Variants in ADGRL3 observed in about 807,000 individuals in gnomAD.
The protein encoded by ADGRL3 is calcium-independent alpha-latrotoxin receptor 3.
Under a neutral mutation model 153.5 loss-of-function variants are expected in ADGRL3, and 62 were observed. That is an observed-to-expected ratio of 0.40 (90% CI 0.33 to 0.50). The LOEUF (loss-of-function observed/expected upper bound fraction) is 0.50. Among genes scored for constraint, ADGRL3 ranks in the 20% least tolerant of loss-of-function variants. The probability of loss-of-function intolerance (pLI) is 0.47; values close to 1 mark genes in which losing one functional copy is unlikely to be tolerated. For synonymous variants in ADGRL3, 710 were observed against 672.5 expected, an observed-to-expected ratio of 1.06 and a Z score of -0.86; for missense variants, 1,641 against 1,859.4, an observed-to-expected ratio of 0.88 and a Z score of 2.16.
At chr4:61,213,129 G>A (rs1740915901) in intron 1 of ADGRL3, among the ~76,000 whole-genome samples, 1 of 151,844 alleles carries the variant, frequency 6.6e-6, no homozygotes, top group Admixed American at 6.6e-5. Flanking sequence ...GAAGTAATGG[G>A]GTATGAAAGA....
At chr4:61,285,826 A>G (rs1479865805) in intron 1 of ADGRL3, among the ~76,000 whole-genome samples, 4 of 151,788 alleles carry the variant, frequency 2.6e-5, no homozygotes, top group Admixed American at 1.3e-4. Flanking sequence ...TAGAAAATTT[A>G]AAAAGGAATC....
chr4:61,407,692 A>G (rs971613194), intron 2 of ADGRL3, among the ~76,000 whole-genome samples: 1 of 152,160 alleles, frequency 6.6e-6, no homozygotes, highest in Non-Finnish European at 1.5e-5. Flanking sequence ...TTCAAATCCC[A>G]AGAGACGAGG....
chr4:61,886,672 C>T (rs1164468589), intron 9 of ADGRL3, among the ~76,000 whole-genome samples: 1 of 151,956 alleles, frequency 6.6e-6, no homozygotes, highest in Non-Finnish European at 1.5e-5. Context: ...GACAGAGTCT[C>T]ACTCTGTCGC....
chr4:61,765,807 T>A (rs2096970424), intron 8 of ADGRL3, among the ~76,000 whole-genome samples: 1 of 151,970 alleles, frequency 6.6e-6, no homozygotes, highest in African/African-American at 2.4e-5. Context: ...GTGGGGCAAA[T>A]CCTCGAGCTT....
In ADGRL3 at chr4:62,070,705, C is replaced by T. The variant is rs991922729; in HGVS notation, c.4429C>T (p.Pro1477Ser). 6 of 1,551,504 alleles carry T rather than the reference C, an allele frequency of 3.9e-6. No homozygotes were observed. The African/African-American group carries it at 4.1e-5, about 11-fold the overall frequency. Reference protein sequence around the residue: ...SVTTSTQTEPPPAKCGDAEDV... With the variant: ...SVTTSTQTEPSPAKCGDAEDV... ...TACCACCAGCACCCAGACCGAACCC[C>T]CACCGGCCAAATGTGGTGATGCCGA... The change falls in exon 27 of 27, where the codon CCA (proline) becomes TCA (serine). Residue 1477 changes from proline to serine, a missense_variant. Physicochemically the swap from Pro to Ser is moderately conservative, Grantham distance 74. Around this residue, in one of 5 missense-constraint regions of ADGRL3, gnomAD observed 517 missense variants for 555.0 expected, o/e 0.93. Transcript: ENST00000683033.
At chr4:61,431,724 T>A (rs1009198417) in intron 2 of ADGRL3, among the ~76,000 whole-genome samples, 1 of 152,200 alleles carries the variant, frequency 6.6e-6, no homozygotes, top group Non-Finnish European at 1.5e-5. Flanking sequence ...CAGAAAGGAA[T>A]GTATTTTAAG....
At chr4:61,647,391 T>C (rs916761799) in intron 5 of ADGRL3, among the ~76,000 whole-genome samples, 21 of 152,302 alleles carry the variant, frequency 1.4e-4, no homozygotes, top group African/African-American at 5.1e-4. Flanking sequence ...AGTTTTATTA[T>C]CTTAGAAAGA....
chr4:61,377,692 T>TATTCCTCTATTCTTTCCTTC (rs1560543110), intron 1 of ADGRL3, among the ~76,000 whole-genome samples: 1 of 152,010 alleles, frequency 6.6e-6, no homozygotes, highest in Non-Finnish European at 1.5e-5. Context: ...TTCTTTCCTT[T>TATTCCTCTATTCTTTCCTTC]ATTCCTCTAT....
intron 9 of ADGRL3, among the ~76,000 whole-genome samples, chr4:61,864,249 T>G (rs1481389796): frequency 1.3e-5 from 2 of 152,196 alleles, no homozygotes; most frequent in African/African-American, 2.4e-5. Context: ...CATATATTAG[T>G]TCTCATATAT....
intron 1 of ADGRL3, among the ~76,000 whole-genome samples, chr4:61,311,501 A>G (rs1454535814): frequency 6.6e-6 from 1 of 152,240 alleles, no homozygotes; most frequent in Non-Finnish European, 1.5e-5. Flanking sequence ...AACGGGCTAC[A>G]CTGTCTCTGC....
chr4:61,978,707 C>T (rs1349843781), intron 17 of ADGRL3, among the ~76,000 whole-genome samples: 1 of 152,168 alleles, frequency 6.6e-6, no homozygotes, highest in African/African-American at 2.4e-5. Flanking sequence ...AACCAAGGAA[C>T]ATGGCAGACG....
chr4:62,060,629 T>C (rs925904911), intron 25 of ADGRL3, among the ~76,000 whole-genome samples: 1 of 152,000 alleles, frequency 6.6e-6, no homozygotes, highest in African/African-American at 2.4e-5. Context: ...TACAGATAAT[T>C]TGGTTTTCTA....
intron 4 of ADGRL3, among the ~76,000 whole-genome samples, chr4:61,584,091 T>C (rs1413121897): frequency 6.6e-6 from 1 of 152,048 alleles, no homozygotes; most frequent in Non-Finnish European, 1.5e-5. Flanking sequence ...CCTTTTTTTT[T>C]CCTTTGGAGT....
chr4:61,380,597 CA>C (rs1248984919), intron 1 of ADGRL3, among the ~76,000 whole-genome samples: 1 of 151,952 alleles, frequency 6.6e-6, no homozygotes. Flanking sequence ...ATCTAGTACT[CA>C]AACTCAAAAC....
At chr4:61,804,310 G>T (rs1006779001) in intron 8 of ADGRL3, among the ~76,000 whole-genome samples, 1 of 152,082 alleles carries the variant, frequency 6.6e-6, no homozygotes, top group African/African-American at 2.4e-5. Flanking sequence ...TAACTAACAT[G>T]CTGTCAAATC....
At chr4:62,002,141 T>G (rs762003825) in intron 21 of ADGRL3, among the ~76,000 whole-genome samples, 2 of 151,456 alleles carry the variant, frequency 1.3e-5, no homozygotes, top group Non-Finnish European at 1.5e-5. Context: ...GCTAGAGAGA[T>G]CTCTTGAAAA....
At chr4:61,454,461 T>C (rs529777825) in intron 2 of ADGRL3, among the ~76,000 whole-genome samples, 8 of 152,286 alleles carry the variant, frequency 5.3e-5, no homozygotes, top group African/African-American at 1.9e-4. Context: ...TGTGAATGTA[T>C]GCAAATAAGA....
At chr4:61,755,795 T>C (rs2152107087) in intron 8 of ADGRL3, among the ~76,000 whole-genome samples, 1 of 152,340 alleles carries the variant, frequency 6.6e-6, no homozygotes, top group East Asian at 1.9e-4. Flanking sequence ...TTAATTTTTG[T>C]ATAAGGTGTA....
At chr4:61,997,603 T>C (rs1230537335) in intron 20 of ADGRL3, among the ~76,000 whole-genome samples, 2 of 152,188 alleles carry the variant, frequency 1.3e-5, no homozygotes, top group African/African-American at 4.8e-5. Flanking sequence ...TTTTCTGTTT[T>C]GTTTTGTTTC....
Sources: allele counts gnomAD v4.1 joint callset (sites outside exome capture counted in the v4.1 genomes callset), GRCh38; gene constraint gnomAD v4.1.1; regional missense constraint gnomAD v4.1.1; transcripts MANE v1.5; gene names NCBI Gene and HGNC (gene_info 2026-07-23, HGNC 2026-07-21).